The following SPTAN1 variants were observed in gnomAD, a reference collection of about 807,000 sequenced individuals.
The protein encoded by SPTAN1 is spectrin alpha, non-erythrocytic 1.
SPTAN1 carries 61 observed loss-of-function variants against 331.3 expected under a neutral mutation model. The observed-to-expected ratio is 0.18, with a 90% CI of 0.15 to 0.23. SPTAN1 has a LOEUF of 0.23. Among genes scored for constraint, SPTAN1 ranks in the 10% least tolerant of loss-of-function variants. The pLI is 1.00. For synonymous variants in SPTAN1, 1,153 were observed against 1,173.9 expected (o/e 0.98, Z 0.36); for missense variants, 2,043 against 3,147.9 (o/e 0.65, Z 8.40).
At position 128,577,563 on chromosome 9, in the gene SPTAN1, G is replaced by A. The variant is rs1461957351; in HGVS notation, c.1085+57G>A. On this transcript the variant is annotated intron_variant, in intron 8 of 56. Coordinates refer to ENST00000372739, the MANE Select transcript of SPTAN1 (RefSeq NM_001130438.3). The surrounding 1 kb of genome is among the most constrained non-coding windows in gnomAD (Gnocchi z 4.2). ...TCATTTGGCTTCTTTTTTGGAAGCA[G>A]GAATAGCAGAGTTAAGGGTCTGTTC... 5.0e-6 allele frequency: 8 copies of A among 1,607,068 alleles called. No homozygotes were observed. The highest frequency in any genetic ancestry group is 6.8e-6 in the Non-Finnish European group (8 of 1,176,618).
rs755933560 is a variant in SPTAN1, at chr9:128,587,623, C to A, written c.2796C>A (p.His932Gln). ...GGTTTCAGGCTCTACTGAAGAAACACGAAGCTTTGATGTCAGATCTCAGTG... is the reference window on the plus strand; with the variant it reads ...GGTTTCAGGCTCTACTGAAGAAACAAGAAGCTTTGATGTCAGATCTCAGTG... Reference protein sequence around the residue: ...EDSAEALLKKHEALMSDLSAY... With the variant: ...EDSAEALLKKQEALMSDLSAY... Residue 932 changes from histidine (H) to glutamine (Q), a missense_variant, in exon 20 of 57, where the codon CAC becomes CAA. By Grantham distance (24) the His-to-Gln change is conservative (BLOSUM62 0). This residue lies in a region of SPTAN1 where 1,038 missense variants were observed against 1,531.5 expected (regional missense o/e 0.68). Coordinates refer to ENST00000372739, the MANE Select transcript of SPTAN1 (RefSeq NM_001130438.3). 1 of 1,613,718 alleles carries A rather than the reference C, an allele frequency of 6.2e-7. No individual in the cohort carries two copies.
chr9:128,564,915 AAGGGT>A, intron 1 of SPTAN1, among the ~76,000 whole-genome samples: 1 of 152,316 alleles, frequency 6.6e-6, no homozygotes, highest in African/African-American at 2.4e-5. Flanking sequence ...TATCCGCCAC[AAGGGT>A]AGGGGTCACG....
chr9:128,605,501 C>A lies in SPTAN1; in HGVS notation c.4046+24C>A, dbSNP rs375529649. The A allele has an allele frequency of 4.3e-5, 70 of 1,613,896 alleles. 1 individual carries two copies. The African/African-American group carries it at 8.7e-4, about 20-fold the overall frequency. The stretch of plus-strand genomic sequence containing the variant: ...CGGTACGGAGCCATGTTCACTCAGA[C>A]TTCTGGAACATAGAGCCTTCTTTGT... On this transcript the variant is annotated intron_variant, in intron 31 of 56. Transcript: ENST00000372739.
chr9:128,618,361 TCA>T (rs1857433933), intron 43 of SPTAN1, among the ~76,000 whole-genome samples: 1 of 152,086 alleles, frequency 6.6e-6, no homozygotes, highest in Non-Finnish European at 1.5e-5. Flanking sequence ...CACACATGAA[TCA>T]CACATGAATC....
At position 128,615,800 on chromosome 9, in the gene SPTAN1, C is replaced by T; in HGVS notation, c.5317C>T (p.Gln1773Ter). 6.2e-7 allele frequency: 1 copy of T among 1,614,240 alleles called. No homozygotes were observed. The highest frequency in any genetic ancestry group is 8.5e-7 in the Non-Finnish European group (1 of 1,180,052). ...AKLNESHRLH[Q>*]FFRDMDDEES... ...GCTGAATGAATCCCATCGCCTGCAC[C>T]AGTTCTTCCGGGACATGGATGACGA... Residue 1773 changes from glutamine to a stop codon, truncating the protein, a stop_gained, in exon 41 of 57, where the codon CAG (glutamine) becomes TAG (stop). Transcript: ENST00000372739. LOFTEE classifies it high-confidence loss of function.
chr9:128,609,150 G>A lies in SPTAN1; in HGVS notation c.4624G>A (p.Glu1542Lys), dbSNP rs1426441877. 6.2e-7 allele frequency: 1 copy of A among 1,614,172 alleles called. No individual in the cohort carries two copies. Among genetic ancestry groups the A allele is most frequent in the Non-Finnish European group, 8.5e-7 (1 of 1,180,042 alleles). Residue 1542 changes from glutamate (E) to lysine (K), a missense_variant, in exon 36 of 57, where the codon GAG becomes AAG. Coordinates refer to ENST00000372739, the MANE Select transcript of SPTAN1 (RefSeq NM_001130438.3). ...GCGACGTCTGAAAGCCCAGATGATTGAGAAAAGGTCAAAGCTAGGAGAATC... is the reference window on the plus strand; with the variant it reads ...GCGACGTCTGAAAGCCCAGATGATTAAGAAAAGGTCAAAGCTAGGAGAATC... ...RWRRLKAQMIEKRSKLGESQT... is the reference protein window; with the variant it reads ...RWRRLKAQMIKKRSKLGESQT...
rs577258071 is a variant in SPTAN1 at position 128,588,038 on chromosome 9, G to A, written c.2871+340G>A. Among the ~76,000 whole-genome samples, 728 of 148,426 alleles carry A rather than the reference G, an allele frequency of 4.9e-3. 6 individuals are homozygous for A. The highest frequency in any genetic ancestry group is 0.017 in the African/African-American group (675 of 40,154). Reference sequence around the variant, plus strand: ...ATTTTTTTTTTTTTTTTGAGATGGAGTCTTGCTAGAGTGCAGTGGCACTAT... The same window carrying A: ...ATTTTTTTTTTTTTTTTGAGATGGAATCTTGCTAGAGTGCAGTGGCACTAT... On this transcript the variant is annotated intron_variant, in intron 20 of 56. Transcript: ENST00000372739.
In SPTAN1 at chr9:128,582,499, C is replaced by T; in HGVS notation, c.1593C>T (p.Thr531=). The T allele has an allele frequency of 1.2e-6, 2 of 1,614,112 alleles. No individual in the cohort carries two copies. The highest frequency in any genetic ancestry group is 1.3e-5 in the African/African-American group (1 of 75,022). ...CCTAGGCATTAGATGAATTTGCAAC[C>T]AAGCTAATTCAGAACAACCACTATG... The part of the protein sequence containing the change: ...EKITALDEFA[T]KLIQNNHYAM... Residue 531 remains threonine (T), a synonymous_variant, in exon 13 of 57, where the codon ACC becomes ACT. Coordinates refer to ENST00000372739, the MANE Select transcript of SPTAN1 (RefSeq NM_001130438.3).
chr9:128,588,142 C>T (rs950964115), intron 20 of SPTAN1, among the ~76,000 whole-genome samples: 2 of 150,676 alleles, frequency 1.3e-5, no homozygotes, highest in East Asian at 2.0e-4. Flanking sequence ...GGATTACTGG[C>T]GCCCGCCACC....
chr9:128,582,657 G>T, intron 13 of SPTAN1, 37 bp from the exon 14 acceptor site: 1 of 1,611,462 alleles, frequency 6.2e-7, no homozygotes. Context: ...CTTTGGGAGT[G>T]AACACTAGAG....
intron 4 of SPTAN1, 152 bp from the exon 5 acceptor site, chr9:128,575,047 T>C: frequency 4.7e-6 from 6 of 1,272,450 alleles, no homozygotes; most frequent in Non-Finnish European, 5.7e-6. Flanking sequence ...CTTAACTTTC[T>C]GTGGGAGGAA....
In SPTAN1 at chr9:128,583,924, C is replaced by G. The variant is rs1852249679; in HGVS notation, c.2148C>G (p.Leu716=). The change falls in exon 16 of 57, where the codon CTC becomes CTG. Residue 716 remains leucine (L), a synonymous_variant. Transcript: ENST00000372739. The stretch of plus-strand genomic sequence containing the variant: ...AAGATCTTACCAATGTGCAGAACCT[C>G]CAGAAGAAACATGCACTGCTAGAGG... ...YGKDLTNVQN[L]QKKHALLEAD... The G allele has an allele frequency of 3.7e-6, 6 of 1,614,050 alleles. No individual in the cohort carries two copies. The highest frequency in any genetic ancestry group is 5.1e-6 in the Non-Finnish European group (6 of 1,180,036).
At chr9:128,581,350 G>A (rs1348179133) in intron 11 of SPTAN1, among the ~76,000 whole-genome samples, 1 of 151,938 alleles carries the variant, frequency 6.6e-6, no homozygotes, top group Non-Finnish European at 1.5e-5. Context: ...GCTCCCTGCT[G>A]TAATCCCAGC....
chr9:128,570,454 C>T (rs1850576860), intron 3 of SPTAN1, among the ~76,000 whole-genome samples: 1 of 150,514 alleles, frequency 6.6e-6, no homozygotes, highest in Non-Finnish European at 1.5e-5. Flanking sequence ...TCTCCTGCCT[C>T]AGCCTCCTAA....
chr9:128,594,296 G>T lies in SPTAN1; in HGVS notation c.3337G>T (p.Ala1113Ser), dbSNP rs143309753. ...LQQWINEKEA[A>S]LTSEEVGADL... ...GCAATGGATCAATGAGAAGGAAGCC[G>T]CTCTGACAAGTGAGGAGGTCGGAGC... The change falls in exon 24 of 57, where the codon GCT (alanine) becomes TCT (serine). Residue 1113 changes from alanine (A) to serine (S), a missense_variant. Coordinates refer to ENST00000372739, the MANE Select transcript of SPTAN1 (RefSeq NM_001130438.3). The T allele has an allele frequency of 1.2e-6, 2 of 1,614,168 alleles. No homozygotes were observed. Among genetic ancestry groups the T allele is most frequent in the Non-Finnish European group, 1.7e-6 (2 of 1,180,034 alleles).
chr9:128,602,208 T>C (rs531810938), intron 27 of SPTAN1, among the ~76,000 whole-genome samples: 16 of 151,614 alleles, frequency 1.1e-4, no homozygotes, highest in African/African-American at 3.9e-4. Flanking sequence ...TTTGTTTTTT[T>C]TGGGTTTTTT....
At chr9:128,564,481 G>C (rs1849779049) in intron 1 of SPTAN1, among the ~76,000 whole-genome samples, 4 of 151,994 alleles carry the variant, frequency 2.6e-5, no homozygotes. Context: ...CAAGTGGGAG[G>C]CTGAGGTGGA....
chr9:128,617,806 G>C (rs1390133353), intron 42 of SPTAN1, 46 bp downstream of exon 42: 3 of 1,612,644 alleles, frequency 1.9e-6, no homozygotes, highest in Non-Finnish European at 2.5e-6. Flanking sequence ...TGTTTGAGTG[G>C]GCCCCAGGGG....
intron 1 of SPTAN1, chr9:128,555,270 AAAT>A (rs1369123832): frequency 5.9e-6 from 6 of 1,024,470 alleles, no homozygotes; most frequent in East Asian, 1.2e-4. Context: ...CATATTTTTT[AAAT>A]AATCTGTTTT....
Sources: gnomAD v4.1 joint callset for allele counts (sites outside exome capture counted in the v4.1 genomes callset) on GRCh38, gnomAD v4.1.1 for gene constraint, gnomAD v4.1.1 regional missense constraint, Gnocchi (gnomAD v3.1) non-coding constraint, MANE v1.5 for transcripts, NCBI Gene and HGNC (gene_info 2026-07-23, HGNC 2026-07-21) for gene names.